EYS: variants seen among roughly 807,000 people sequenced by gnomAD.
EYS encodes protein eyes shut homolog.
EYS carries 250 observed loss-of-function variants against 282.1 expected under a neutral mutation model. The ratio of observed to expected loss-of-function variants is 0.89; its 90% confidence interval spans 0.80 to 0.98. The LOEUF (loss-of-function observed/expected upper bound fraction) is 0.98, where lower values mean the gene tolerates loss of function less well. EYS is among the 50% of genes least tolerant of loss of function. The pLI, the probability that EYS is intolerant of heterozygous loss-of-function variation, is 0.00. For synonymous variants in EYS, 1,355 were observed against 1,282.9 expected, an observed-to-expected ratio of 1.06 and a Z score of -1.20; for missense variants, 4,016 against 3,709.0, an observed-to-expected ratio of 1.08 and a Z score of -2.15.
chr6:63,978,473 A>G (rs960568953), intron 35 of EYS, among the ~76,000 whole-genome samples: 3 of 152,006 alleles, frequency 2.0e-5, no homozygotes, highest in Non-Finnish European at 4.4e-5. Flanking sequence ...AGGGTTAAAT[A>G]TTTGAAAATG....
At chr6:64,572,565 A>T (rs1166015246) in intron 26 of EYS, among the ~76,000 whole-genome samples, 2 of 152,214 alleles carry the variant, frequency 1.3e-5, no homozygotes, top group Non-Finnish European at 2.9e-5. Flanking sequence ...CTGATTAGCA[A>T]ATTTGGCAAA....
intron 28 of EYS, among the ~76,000 whole-genome samples, chr6:64,390,755 C>G (rs971839061): frequency 6.7e-6 from 1 of 149,486 alleles, no homozygotes; most frequent in African/African-American, 2.5e-5. Context: ...TCACCAGCAA[C>G]GGAACAAAGC....
chr6:64,752,606 C>A (rs1320399983), intron 22 of EYS, among the ~76,000 whole-genome samples: 2 of 152,024 alleles, frequency 1.3e-5, no homozygotes, highest in Admixed American at 6.6e-5. Flanking sequence ...AGGAAAACTA[C>A]CTTAGTCTTG....
intron 30 of EYS, among the ~76,000 whole-genome samples, chr6:64,236,512 G>T (rs1479034572): frequency 2.0e-5 from 3 of 152,084 alleles, no homozygotes; most frequent in Non-Finnish European, 4.4e-5. Context: ...ATTTTCCAAA[G>T]AGGCTTCACC....
At chr6:65,287,441 A>G (rs1768397381) in intron 12 of EYS, among the ~76,000 whole-genome samples, 2 of 151,684 alleles carry the variant, frequency 1.3e-5, no homozygotes, top group South Asian at 2.1e-4. Flanking sequence ...AAAATCCCAG[A>G]TGTGCATACA....
At chr6:65,198,422 T>G (rs1765821854) in intron 12 of EYS, among the ~76,000 whole-genome samples, 1 of 152,162 alleles carries the variant, frequency 6.6e-6, no homozygotes, top group East Asian at 1.9e-4. Context: ...TCACAGTAGT[T>G]TATTATCATT....
chr6:64,993,970 A>G (rs1771164191), intron 14 of EYS, among the ~76,000 whole-genome samples: 1 of 151,546 alleles, frequency 6.6e-6, no homozygotes, highest in Non-Finnish European at 1.5e-5. Flanking sequence ...CTACTGCACT[A>G]TTTTTGTTTC....
At chr6:65,342,103 TC>T (rs1770219161) in intron 10 of EYS, among the ~76,000 whole-genome samples, 1 of 151,156 alleles carries the variant, frequency 6.6e-6, no homozygotes, top group African/African-American at 2.4e-5. Flanking sequence ...TTCTGATTTT[TC>T]AAAATACATA....
intron 2 of EYS, among the ~76,000 whole-genome samples, chr6:65,635,755 T>C (rs1204897802): frequency 5.3e-5 from 8 of 152,222 alleles, no homozygotes; most frequent in Non-Finnish European, 8.8e-5. Flanking sequence ...TATAGTATAT[T>C]GCCCTTTTGA....
rs1297979037 is a variant in EYS, at chr6:65,436,884, A to C, written c.863-31517T>G. 5.9e-5 allele frequency among the ~76,000 whole-genome samples: 9 copies of C among 152,264 alleles called. No homozygotes were observed. The East Asian group carries it at 1.7e-3, about 29-fold the overall frequency. Reference sequence around the variant, plus strand: ...TCTCCCAAAAATAATTTACAAATTCAGGAAATTTCTAATCAAAACTTACAA... The same window carrying C: ...TCTCCCAAAAATAATTTACAAATTCCGGAAATTTCTAATCAAAACTTACAA... On this transcript the variant is annotated intron_variant, in intron 5 of 42. Coordinates refer to ENST00000503581, the MANE Select transcript of EYS (RefSeq NM_001142800.2).
At chr6:64,273,855 G>T (rs1438824350) in intron 30 of EYS, among the ~76,000 whole-genome samples, 1 of 152,128 alleles carries the variant, frequency 6.6e-6, no homozygotes, top group African/African-American at 2.4e-5. Flanking sequence ...ATGTTTGCAT[G>T]TTAAGTTATT....
At chr6:64,387,719 ATC>A (rs1440723052) in intron 29 of EYS, among the ~76,000 whole-genome samples, 1 of 152,164 alleles carries the variant, frequency 6.6e-6, no homozygotes, top group Admixed American at 6.5e-5. Flanking sequence ...AGTCACAAAT[ATC>A]TGTTTAATGA....
chr6:65,280,029 AT>A (rs1002318639), intron 12 of EYS, among the ~76,000 whole-genome samples: 3 of 152,100 alleles, frequency 2.0e-5, no homozygotes, highest in South Asian at 4.1e-4. Context: ...GCAACCACTT[AT>A]TTTTTTGTGG....
At chr6:64,765,609 A>G (rs752627039) in intron 22 of EYS, among the ~76,000 whole-genome samples, 1 of 152,220 alleles carries the variant, frequency 6.6e-6, no homozygotes, top group Non-Finnish European at 1.5e-5. Flanking sequence ...TTCCTCAGGC[A>G]TAACAGGAAG....
intron 26 of EYS, among the ~76,000 whole-genome samples, chr6:64,447,925 C>T (rs752978142): frequency 5.3e-5 from 8 of 152,054 alleles, no homozygotes; most frequent in South Asian, 2.1e-4. Flanking sequence ...AATAGCAATC[C>T]GTAAGGATAG....
chr6:64,585,901 C>T (rs578002999), intron 26 of EYS, among the ~76,000 whole-genome samples: 5 of 152,116 alleles, frequency 3.3e-5, no homozygotes, highest in Admixed American at 2.0e-4. Flanking sequence ...CATTAACAGC[C>T]TACATTTCTG....
chr6:64,270,323 T>C (rs1055360667), intron 30 of EYS, among the ~76,000 whole-genome samples: 6 of 151,894 alleles, frequency 4.0e-5, no homozygotes, highest in Admixed American at 6.6e-5. Context: ...CTCAACTTTT[T>C]CTGAAATACA....
rs1392707388 is a variant in EYS at position 63,726,505 on chromosome 6, C to T, written c.8233+14G>A. 1.3e-6 allele frequency: 2 copies of T among 1,542,764 alleles called. No individual in the cohort carries two copies. The highest frequency in any genetic ancestry group is 1.7e-6 in the Non-Finnish European group (2 of 1,142,996). Reference sequence around the variant, plus strand: ...AGGAATTCATTCTGCAAACAAACAGCCTGCCAATCTTACCTGATTGGGCTT... The same window carrying T: ...AGGAATTCATTCTGCAAACAAACAGTCTGCCAATCTTACCTGATTGGGCTT... On this transcript the variant is annotated intron_variant, in intron 42 of 42. Coordinates refer to ENST00000503581, the MANE Select transcript of EYS (RefSeq NM_001142800.2).
chr6:64,503,882 T>C (rs9353864), intron 26 of EYS, among the ~76,000 whole-genome samples: 39,167 of 151,972 alleles, frequency 0.26, 5,553 homozygotes, highest in East Asian at 0.35. Context: ...TGATAGTCAG[T>C]GAGTTCTCAC....
Sources: gnomAD v4.1 joint callset for allele counts (sites outside exome capture counted in the v4.1 genomes callset) on GRCh38, gnomAD v4.1.1 for gene constraint, MANE v1.5 for transcripts, NCBI Gene and HGNC (gene_info 2026-07-23, HGNC 2026-07-21) for gene names.